Variants in EXOG observed in about 807,000 individuals in gnomAD.
EXOG encodes exo/endonuclease G.
A neutral mutation model predicts 25.8 loss-of-function variants in EXOG; 27 were observed. The observed-to-expected ratio is 1.05, with a 90% CI of 0.77 to 1.45. EXOG has a LOEUF of 1.45. Among genes scored for constraint, EXOG ranks in the 40% most tolerant of loss-of-function variants. The probability of loss-of-function intolerance (pLI) is 0.00; values close to 1 mark genes in which losing one functional copy is unlikely to be tolerated. For missense variants in EXOG, 458 were observed against 450.5 expected (o/e 1.02, Z -0.15); for synonymous variants, 133 against 167.0 (o/e 0.80, Z 1.57).
chr3:38,501,266 A>G (rs889531459), intron 2 of EXOG, 89 bp from the exon 3 acceptor site: 1 of 1,083,090 alleles, frequency 9.2e-7, no homozygotes, highest in Admixed American at 1.7e-5. Context: ...GAGAGACACC[A>G]GCCAGTAGCA....
At chr3:38,514,813 C>A (rs1454526494) in intron 5 of EXOG, among the ~76,000 whole-genome samples, 2 of 147,116 alleles carry the variant, frequency 1.4e-5, no homozygotes, top group Non-Finnish European at 3.0e-5. Flanking sequence ...CGGTGTCCCC[C>A]AGGCTGGAGT....
intron 5 of EXOG, among the ~76,000 whole-genome samples, chr3:38,516,254 C>A (rs541357338): frequency 6.6e-6 from 1 of 151,936 alleles, no homozygotes; most frequent in Admixed American, 6.6e-5. Flanking sequence ...ACCAAAAACC[C>A]GTGTTCAATT....
In EXOG at chr3:38,524,458, A is replaced by C; in HGVS notation, c.*96A>C. On this transcript the variant is annotated 3_prime_UTR_variant, in exon 6 of 6. Coordinates refer to ENST00000287675, the MANE Select transcript of EXOG (RefSeq NM_005107.4). ...GTGGCTTTGCTTTTTGCTTTTTAAA[A>C]AGTTTTTCTCTTTAAGAGATGTGGT... 1 of 1,460,538 alleles carries C rather than the reference A, an allele frequency of 6.8e-7. No individual in the cohort carries two copies. The highest frequency in any genetic ancestry group is 1.4e-5 in the African/African-American group (1 of 69,942). The allele number at this position is 1,460,538 out of a possible 1,614,324, so 90.5% of individuals were successfully genotyped here. A position where few individuals can be genotyped will look rare whatever the true frequency, so the allele number is the denominator to read the frequency against.
chr3:38,519,030 A>T (rs764130269), intron 5 of EXOG, among the ~76,000 whole-genome samples: 3 of 152,210 alleles, frequency 2.0e-5, no homozygotes, highest in Non-Finnish European at 4.4e-5. Context: ...GATGGTGTGG[A>T]TGGAGAGAGG....
chr3:38,510,601 T>C (rs2060339057), intron 5 of EXOG, among the ~76,000 whole-genome samples: 1 of 151,720 alleles, frequency 6.6e-6, no homozygotes, highest in African/African-American at 2.4e-5. Context: ...TAAATCTGAG[T>C]GAAGGATATA....
Position 38,524,108 on chromosome 3 carries a change from G to T in EXOG, c.853G>T (p.Asp285Tyr), listed in dbSNP as rs2060809555. ...AGGACTGGTGTTTTTTCCTCATTTG[G>T]ATAGAACTAGTGATATCCGGAATAT... is the stretch of plus-strand genomic sequence containing the variant. ...LSGLVFFPHLDRTSDIRNICS... is the reference protein window; with the variant it reads ...LSGLVFFPHLYRTSDIRNICS... Residue 285 changes from aspartate to tyrosine, a missense_variant, in exon 6 of 6, where the codon GAT (aspartate) becomes TAT (tyrosine). Physicochemically the swap from Asp to Tyr is radical, Grantham distance 160. Transcript: ENST00000287675. The T allele has an allele frequency of 6.8e-6, 11 of 1,613,934 alleles. No individual in the cohort carries two copies. Among genetic ancestry groups the T allele is most frequent in the African/African-American group, 1.3e-5 (1 of 74,908 alleles).
chr3:38,505,183 G>T (rs554321151), intron 4 of EXOG, among the ~76,000 whole-genome samples: 107 of 151,834 alleles, frequency 7.0e-4, no homozygotes, highest in Non-Finnish European at 1.0e-3. Flanking sequence ...GTTGTTGTTG[G>T]TTGGTTTGAA....
intron 5 of EXOG, among the ~76,000 whole-genome samples, chr3:38,509,824 G>A (rs1047546166): frequency 6.6e-6 from 1 of 152,162 alleles, no homozygotes; most frequent in African/African-American, 2.4e-5. Flanking sequence ...TACATAGGGT[G>A]TAAAGAAAAG....
chr3:38,524,716 T>G lies in EXOG; in HGVS notation c.*354T>G. The G allele has an allele frequency of 2.0e-6, 2 of 1,003,324 alleles. No homozygotes were observed. The highest frequency in any genetic ancestry group is 2.4e-6 in the Non-Finnish European group (2 of 841,812). The allele number at this position is 1,003,324 out of a possible 1,614,324, so 62.2% of individuals were successfully genotyped here. A position where few individuals can be genotyped will look rare whatever the true frequency, so the allele number is the denominator to read the frequency against. ...AGATCTACAATGTTTTTGTCAGTAT[T>G]ATATTTGACTCAGGAACTAATTATT... On this transcript the variant is annotated 3_prime_UTR_variant, in exon 6 of 6. Coordinates refer to ENST00000287675, the MANE Select transcript of EXOG (RefSeq NM_005107.4).
intron 5 of EXOG, among the ~76,000 whole-genome samples, chr3:38,509,582 G>A (rs574899852): frequency 5.9e-5 from 9 of 152,240 alleles, no homozygotes; most frequent in Non-Finnish European, 7.4e-5. Flanking sequence ...AAGACTCAGC[G>A]CTTAGAGAAA....
intron 2 of EXOG, chr3:38,499,758 C>T: frequency 4.7e-6 from 2 of 423,372 alleles, no homozygotes; most frequent in Non-Finnish European, 9.2e-6. Flanking sequence ...GTATGTGCCA[C>T]TATGCCCAAC....
intron 5 of EXOG, chr3:38,515,972 AC>A (rs946216489): frequency 2.0e-5 from 3 of 152,140 alleles, no homozygotes; most frequent in African/African-American, 7.2e-5. Flanking sequence ...TGATTTTGAT[AC>A]CCTTTATTTG....
At chr3:38,498,860 C>A in intron 2 of EXOG, 1 of 454,630 alleles carries the variant, frequency 2.2e-6, no homozygotes, top group Non-Finnish European at 4.4e-6. Context: ...TTCATGTGTC[C>A]TTATGTCTTG....
In EXOG at chr3:38,525,309, AT is replaced by A; in HGVS notation, c.*949del. The A allele has an allele frequency of 1.0e-6, 1 of 985,298 alleles. No individual in the cohort carries two copies. Among genetic ancestry groups the A allele is most frequent in the Non-Finnish European group, 1.2e-6 (1 of 829,780 alleles). The allele number at this position is 985,298 out of a possible 1,614,324, so 61.0% of individuals were successfully genotyped here. A position where few individuals can be genotyped will look rare whatever the true frequency, so the allele number is the denominator to read the frequency against. ...AAGAGAAGAAAGACAGCTGAGGTAG[AT>A]TCAAATCTTTTCTGACATGGATGGT... is the stretch of plus-strand genomic sequence containing the variant. On this transcript the variant is annotated 3_prime_UTR_variant, in exon 6 of 6. Coordinates refer to ENST00000287675, the MANE Select transcript of EXOG (RefSeq NM_005107.4).
At chr3:38,503,942 A>G (rs1020696121) in intron 4 of EXOG, among the ~76,000 whole-genome samples, 2 of 152,242 alleles carry the variant, frequency 1.3e-5, no homozygotes, top group Non-Finnish European at 2.9e-5. Context: ...TTTGAAAGAA[A>G]TGACTCAAAA....
Position 38,519,801 on chromosome 3 carries a change from GCAT to G in EXOG, c.646-4098_646-4096del, listed in dbSNP as rs1575670796. Among the ~76,000 whole-genome samples, 3 of 152,328 alleles carry G rather than the reference GCAT, an allele frequency of 2.0e-5. No individual in the cohort carries two copies. The East Asian group carries it at 5.8e-4, about 29-fold the overall frequency. On this transcript the variant is annotated intron_variant, in intron 5 of 5. Coordinates refer to ENST00000287675, the MANE Select transcript of EXOG (RefSeq NM_005107.4). ...TTCCAGGGTTTGTGCTGCCACAAAA[GCAT>G]CTGCTGAGGCTCTATAGATAACACA...
intron 5 of EXOG, chr3:38,519,354 C>G (rs1216174533): frequency 6.6e-6 from 1 of 152,174 alleles, no homozygotes; most frequent in Non-Finnish European, 1.5e-5. Flanking sequence ...CTGGTTTGGA[C>G]ATTATAAATG....
chr3:38,500,855 G>A (rs934104524), intron 2 of EXOG, among the ~76,000 whole-genome samples: 3 of 152,164 alleles, frequency 2.0e-5, no homozygotes, highest in African/African-American at 4.8e-5. Flanking sequence ...GGTTCGAGAG[G>A]CAGTAAGCAA....
chr3:38,499,009 A>T, intron 2 of EXOG: 1 of 456,520 alleles, frequency 2.2e-6, no homozygotes, highest in South Asian at 1.6e-5. Context: ...ACTGAGCTTT[A>T]CCAATTTAAT....
Sources: allele counts gnomAD v4.1 joint callset (sites outside exome capture counted in the v4.1 genomes callset), GRCh38; gene constraint gnomAD v4.1.1; transcripts MANE v1.5; gene names NCBI Gene and HGNC (gene_info 2026-07-23, HGNC 2026-07-21).